PRMT1: variants seen among roughly 807,000 people sequenced by gnomAD.
The protein encoded by PRMT1 is protein arginine N-methyltransferase 1.
Under a neutral mutation model 47.4 loss-of-function variants are expected in PRMT1, and 5 were observed. The observed-to-expected ratio is 0.11, with a 90% CI of 0.06 to 0.22. The LOEUF (loss-of-function observed/expected upper bound fraction) is 0.22. Ranked by LOEUF, PRMT1 falls within the 10% of genes least tolerant of loss-of-function variation. The pLI is 1.00. For missense variants in PRMT1, 249 were observed against 518.4 expected (o/e 0.48, Z 5.05); for synonymous variants, 227 against 204.6 (o/e 1.11, Z -0.94).
Position 49,683,911 on chromosome 19 carries a change from C to A in PRMT1, c.413-16C>A, listed in dbSNP as rs376614639. The A allele has an allele frequency of 2.5e-6, 4 of 1,609,650 alleles. No homozygotes were observed. Among genetic ancestry groups the A allele is most frequent in the African/African-American group, 1.3e-5 (1 of 74,640 alleles). ...GCCTCCCGGGGGCTGACGTGGCCAC[C>A]CTTGTCCGCCCGCAGTGGTGACCAT... On this transcript the variant is annotated splice_polypyrimidine_tract_variant and intron_variant, in intron 5 of 10. Transcript: ENST00000454376.
At chr19:49,678,647 C>G (rs555538044) in intron 1 of PRMT1, among the ~76,000 whole-genome samples, 3 of 152,238 alleles carry the variant, frequency 2.0e-5, no homozygotes, top group Admixed American at 6.5e-5. Context: ...TCTGTCCTTC[C>G]ACCCCTTACC....
chr19:49,681,848 C>G lies in PRMT1; in HGVS notation c.193-62C>G. 3 of 1,558,518 alleles carry G rather than the reference C, an allele frequency of 1.9e-6. No individual in the cohort carries two copies. The highest frequency in any genetic ancestry group is 2.6e-6 in the Non-Finnish European group (3 of 1,145,424). ...TCTGGCCCTCCGAGCTCTCAGGACA[C>G]GCTGTTCTCCAGCTGGGGATATGGG... On this transcript the variant is annotated intron_variant, in intron 3 of 10. Transcript: ENST00000454376. The surrounding 1 kb of genome is among the most constrained non-coding windows in gnomAD (Gnocchi z 4.4).
In PRMT1 at chr19:49,679,870, A is replaced by G; in HGVS notation, c.37-2A>G. The G allele has an allele frequency of 6.2e-7, 1 of 1,611,544 alleles. No individual in the cohort carries two copies. The highest frequency in any genetic ancestry group is 1.3e-5 in the African/African-American group (1 of 74,890). Reference sequence around the variant, plus strand: ...TCCTTTTTCCCTGTTACTCTCTCCTAGAATTTTGTAGCCACCTTGGCTAAT... The same window carrying G: ...TCCTTTTTCCCTGTTACTCTCTCCTGGAATTTTGTAGCCACCTTGGCTAAT... On this transcript the variant is annotated splice_acceptor_variant, in intron 1 of 10. Transcript: ENST00000454376. LOFTEE classifies it high-confidence loss of function.
Position 49,681,171 on chromosome 19 carries a change from T to G in PRMT1, c.192+583T>G, listed in dbSNP as rs1286013434. ...CTCAGGTGATCCCCCCACTTCCACT[T>G]TCGGAGTAGCTGGGACCACAGGCGC... On this transcript the variant is annotated intron_variant, in intron 3 of 10. Coordinates refer to ENST00000454376, the MANE Select transcript of PRMT1 (RefSeq NM_001536.6). The surrounding 1 kb of genome is among the most constrained non-coding windows in gnomAD (Gnocchi z 4.4). 6.6e-6 allele frequency among the ~76,000 whole-genome samples: 1 copy of G among 152,078 alleles called. No individual in the cohort carries two copies. Among genetic ancestry groups the G allele is most frequent in the Non-Finnish European group, 1.5e-5 (1 of 68,010 alleles).
At chr19:49,686,315 G>T in intron 9 of PRMT1, 72 bp downstream of exon 9, 2 of 1,500,736 alleles carry the variant, frequency 1.3e-6, no homozygotes, top group Admixed American at 2.2e-5. Flanking sequence ...AGTGGAGGGG[G>T]TGACAGAAAC....
rs556665436 is a variant in PRMT1 at position 49,685,218 on chromosome 19, A to G, written c.759+181A>G. 290 of 1,524,066 alleles carry G rather than the reference A, an allele frequency of 1.9e-4. 1 individual carries two copies. In the East Asian group the frequency reaches 5.6e-3, roughly 30 times the overall value. 94.4% of individuals were successfully genotyped at this position (1,524,066 alleles called of 1,614,324 possible). A position where few individuals can be genotyped will look rare whatever the true frequency, so the allele number is the denominator to read the frequency against. The stretch of plus-strand genomic sequence containing the variant: ...ACTTCGTCCTTTAAATATCTTTGTG[A>G]GCGCTGCTGTGTGAGAACCATGCTT... On this transcript the variant is annotated intron_variant, in intron 8 of 10. Transcript: ENST00000454376. The surrounding 1 kb of genome is among the most constrained non-coding windows in gnomAD (Gnocchi z 4.7).
Position 49,685,427 on chromosome 19 carries a change from T to C in PRMT1, c.759+390T>C, listed in dbSNP as rs956906618. ...GGTCCCAGCTACTCGGGAGGATCACTTGGGCCTGGGAGTTCAAGGCTGCAG... is the reference window on the plus strand; with the variant it reads ...GGTCCCAGCTACTCGGGAGGATCACCTGGGCCTGGGAGTTCAAGGCTGCAG... On this transcript the variant is annotated intron_variant, in intron 8 of 10. Coordinates refer to ENST00000454376, the MANE Select transcript of PRMT1 (RefSeq NM_001536.6). This position sits in a 1 kb window ranked among gnomAD's most constrained non-coding sequence, Gnocchi z 4.7. 14 of 1,187,000 alleles carry C rather than the reference T, an allele frequency of 1.2e-5. No homozygotes were observed. In the African/African-American group the frequency reaches 1.3e-4, roughly 11 times the overall value. 73.5% of individuals were successfully genotyped at this position (1,187,000 alleles called of 1,614,324 possible). A position where few individuals can be genotyped will look rare whatever the true frequency, so the allele number is the denominator to read the frequency against.
chr19:49,682,092 G>C, intron 4 of PRMT1, 27 bp downstream of exon 4: 1 of 1,613,830 alleles, frequency 6.2e-7, no homozygotes, highest in Non-Finnish European at 8.5e-7. Flanking sequence ...GCCAGGCGGG[G>C]CCGGGCCTGA....
intron 1 of PRMT1, chr19:49,677,577 C>A (rs922006154): frequency 5.4e-6 from 2 of 373,476 alleles, no homozygotes; most frequent in African/African-American, 4.2e-5. Flanking sequence ...TCCGGCCAGG[C>A]CCCCACGTGG....
Position 49,681,444 on chromosome 19 carries a change from A to G in PRMT1, c.193-466A>G, listed in dbSNP as rs2082117149. On this transcript the variant is annotated intron_variant, in intron 3 of 10. Transcript: ENST00000454376. The surrounding 1 kb of genome is among the most constrained non-coding windows in gnomAD (Gnocchi z 4.4). ...TTAGACCATCTAATCTGATTTTTTAAAAAGGGAAACTGGCTGGGCGCAGTG... is the reference window on the plus strand; with the variant it reads ...TTAGACCATCTAATCTGATTTTTTAGAAAGGGAAACTGGCTGGGCGCAGTG... Among the ~76,000 whole-genome samples the G allele has an allele frequency of 6.6e-6, 1 of 152,102 alleles. No homozygotes were observed. The highest frequency in any genetic ancestry group is 2.4e-5 in the African/African-American group (1 of 41,420).
chr19:49,677,292 C>T lies in PRMT1; in HGVS notation c.12C>T (p.Ala4=), dbSNP rs758492716. MAA[A]EAANCIMENF... ...AGGTGCGGGTGAAGATGGCGGCAGC[C>T]GAGGCCGCGAACTGCATCATGGAGG... The change falls in exon 1 of 11, where the codon GCC becomes GCT. Residue 4 remains alanine, a synonymous_variant. Coordinates refer to ENST00000454376, the MANE Select transcript of PRMT1 (RefSeq NM_001536.6). The T allele has an allele frequency of 1.4e-6, 2 of 1,411,946 alleles. No homozygotes were observed. Among genetic ancestry groups the T allele is most frequent in the Non-Finnish European group, 1.9e-6 (2 of 1,080,322 alleles). 87.5% of individuals were successfully genotyped at this position (1,411,946 alleles called of 1,614,324 possible).
rs148400131 is a variant in PRMT1, at chr19:49,688,102, CCCG to C, written c.1033-57_1033-55del. On this transcript the variant is annotated intron_variant, in intron 10 of 10. Transcript: ENST00000454376. This position sits in a 1 kb window ranked among gnomAD's most constrained non-coding sequence, Gnocchi z 5.3. Reference sequence around the variant, plus strand: ...CTCATCGTCGCATAGCCTGCCTGCACCCGCCCCCCGCCACCACCTCCTGGTGGG... The same window carrying C: ...CTCATCGTCGCATAGCCTGCCTGCACCCCCCCGCCACCACCTCCTGGTGGG... The C allele has an allele frequency of 1.7e-3, 2,488 of 1,460,970 alleles. 49 individuals are homozygous for C. The African/African-American group carries it at 0.031, about 18-fold the overall frequency. 90.5% of individuals were successfully genotyped at this position (1,460,970 alleles called of 1,614,324 possible).
Position 49,684,213 on chromosome 19 carries a change from G to A in PRMT1, c.555+144G>A. The A allele has an allele frequency of 1.7e-6, 2 of 1,179,018 alleles. No individual in the cohort carries two copies. The highest frequency in any genetic ancestry group is 2.4e-5 in the East Asian group (1 of 41,776). The allele number at this position is 1,179,018 out of a possible 1,614,324, so 73.0% of individuals were successfully genotyped here. ...TAGAAAGCCACAGCCCAAGCCAGGT[G>A]TGACAGACCCTGGAGGGAGATGGTG... On this transcript the variant is annotated intron_variant, in intron 6 of 10. Transcript: ENST00000454376. This position sits in a 1 kb window ranked among gnomAD's most constrained non-coding sequence, Gnocchi z 6.2.
intron 5 of PRMT1, among the ~76,000 whole-genome samples, chr19:49,683,249 T>C (rs755997363): frequency 6.6e-5 from 10 of 151,948 alleles, no homozygotes; most frequent in Non-Finnish European, 1.3e-4. Context: ...ATTATTATAA[T>C]GAACGCACGA....
intron 1 of PRMT1, among the ~76,000 whole-genome samples, chr19:49,677,970 C>T (rs2082061975): frequency 6.6e-6 from 1 of 152,196 alleles, no homozygotes; most frequent in African/African-American, 2.4e-5. Context: ...TTCTCCCCCT[C>T]GCCCAGGGCT....
chr19:49,688,135 G>A lies in PRMT1; in HGVS notation c.1033-27G>A, dbSNP rs762590327. 1.1e-5 allele frequency: 17 copies of A among 1,607,296 alleles called. No homozygotes were observed. Among genetic ancestry groups the A allele is most frequent in the East Asian group, 8.9e-5 (4 of 44,824 alleles). On this transcript the variant is annotated intron_variant, in intron 10 of 10. Coordinates refer to ENST00000454376, the MANE Select transcript of PRMT1 (RefSeq NM_001536.6). This position sits in a 1 kb window ranked among gnomAD's most constrained non-coding sequence, Gnocchi z 5.3. The stretch of plus-strand genomic sequence containing the variant: ...CCGCCACCACCTCCTGGTGGGTTCC[G>A]CCCTCATGCCCCACCTCTCCCTGCA...
At chr19:49,683,673 G>A in intron 5 of PRMT1, 1 of 373,382 alleles carries the variant, frequency 2.7e-6, no homozygotes, top group Non-Finnish European at 4.7e-6. Context: ...GGGTGACAGA[G>A]CAAGACTCCG....
chr19:49,686,348 A>G, intron 9 of PRMT1, 105 bp downstream of exon 9: 1 of 1,420,468 alleles, frequency 7.0e-7, no homozygotes, highest in Non-Finnish European at 9.4e-7. Flanking sequence ...CCATGGGGAC[A>G]CGCGTGTTCC....
Position 49,680,738 on chromosome 19 carries a change from C to T in PRMT1, c.192+150C>T, listed in dbSNP as rs1358767122. On this transcript the variant is annotated intron_variant, in intron 3 of 10. Coordinates refer to ENST00000454376, the MANE Select transcript of PRMT1 (RefSeq NM_001536.6). The surrounding 1 kb of genome is among the most constrained non-coding windows in gnomAD (Gnocchi z 4.2). ...TGCTGCGCACTTCCTAGGGTCGCCT[C>T]GCCAAGCCGTTGCCTTGGAGACCGA... The T allele has an allele frequency of 1.1e-5, 7 of 656,412 alleles. No individual in the cohort carries two copies. Among genetic ancestry groups the T allele is most frequent in the Middle Eastern group, 3.4e-4 (1 of 2,964 alleles). 40.7% of individuals were successfully genotyped at this position (656,412 alleles called of 1,614,324 possible).
Sources: gnomAD v4.1 joint callset for allele counts (sites outside exome capture counted in the v4.1 genomes callset) on GRCh38, gnomAD v4.1.1 for gene constraint, Gnocchi (gnomAD v3.1) non-coding constraint, MANE v1.5 for transcripts, NCBI Gene and HGNC (gene_info 2026-07-23, HGNC 2026-07-21) for gene names.